SRD5A2: variants seen among roughly 807,000 people sequenced by gnomAD.
SRD5A2 encodes steroid 5 alpha-reductase 2, also known as 3-oxo-5-alpha-steroid 4-dehydrogenase 2.
In SRD5A2, 30 loss-of-function variants were observed where a neutral mutation model predicts 27.4. The observed-to-expected ratio is 1.10, with a 90% confidence interval of 0.82 to 1.49. SRD5A2 has a LOEUF of 1.49. Among genes scored for constraint, SRD5A2 ranks in the 40% most tolerant of loss-of-function variants. The probability of loss-of-function intolerance (pLI) is 0.00; values close to 1 mark genes in which losing one functional copy is unlikely to be tolerated. For synonymous variants in SRD5A2, 141 were observed against 133.6 expected (o/e 1.06, Z -0.38); for missense variants, 348 against 323.4 (o/e 1.08, Z -0.58).
At chr2:31,620,071 G>A in the SRD5A2 span, among the ~76,000 whole-genome samples, 5 of 151,722 alleles carry the variant, frequency 3.3e-5, no homozygotes, top group African/African-American at 1.2e-4. Flanking sequence ...TATAGTTTTG[G>A]GTTTTTCATT....
At chr2:31,597,476 G>C in the SRD5A2 span, among the ~76,000 whole-genome samples, 18 of 151,964 alleles carry the variant, frequency 1.2e-4, no homozygotes, top group Non-Finnish European at 2.2e-4. Context: ...AAACTAAAAA[G>C]CTTCTGCATA....
At chr2:31,624,427 A>C in the SRD5A2 span, among the ~76,000 whole-genome samples, 1 of 151,950 alleles carries the variant, frequency 6.6e-6, no homozygotes. Flanking sequence ...GATTTGTTAC[A>C]TATGTATACA....
chr2:31,543,529 T>C (rs1464382101), intron 1 of SRD5A2, among the ~76,000 whole-genome samples: 1 of 152,196 alleles, frequency 6.6e-6, no homozygotes, highest in Non-Finnish European at 1.5e-5. Flanking sequence ...TAACTCATTA[T>C]TTTTTCCATA....
intron 1 of SRD5A2, among the ~76,000 whole-genome samples, chr2:31,566,467 T>C (rs1449331876): frequency 6.6e-6 from 1 of 152,018 alleles, no homozygotes; most frequent in Admixed American, 6.6e-5. Flanking sequence ...CAAAAAGATC[T>C]GGAAAAAAAG....
chr2:31,560,273 T>C (rs1399061920), intron 1 of SRD5A2, among the ~76,000 whole-genome samples: 1 of 152,146 alleles, frequency 6.6e-6, no homozygotes, highest in African/African-American at 2.4e-5. Flanking sequence ...AGCATTGCCT[T>C]TGATGTAAGC....
chr2:31,635,541 A>C, the SRD5A2 span, among the ~76,000 whole-genome samples: 1 of 151,956 alleles, frequency 6.6e-6, no homozygotes, highest in African/African-American at 2.4e-5. Flanking sequence ...TTTTAGAAGT[A>C]TTTTAGCTTT....
At chr2:31,616,899 C>G in the SRD5A2 span, among the ~76,000 whole-genome samples, 1 of 151,696 alleles carries the variant, frequency 6.6e-6, no homozygotes, top group South Asian at 2.1e-4. Context: ...TTAACTGTAG[C>G]TCCCATAATT....
At chr2:31,530,601 TAATC>T (rs991528376) in intron 3 of SRD5A2, among the ~76,000 whole-genome samples, 1 of 152,242 alleles carries the variant, frequency 6.6e-6, no homozygotes, top group African/African-American at 2.4e-5. Context: ...ATTAATTTCT[TAATC>T]AATGACTATT....
chr2:31,604,093 T>A, the SRD5A2 span, among the ~76,000 whole-genome samples: 1 of 151,742 alleles, frequency 6.6e-6, no homozygotes, highest in African/African-American at 2.4e-5. Context: ...TTCTTCATAA[T>A]AAAATTGCTC....
intron 1 of SRD5A2, among the ~76,000 whole-genome samples, chr2:31,538,450 T>A (rs1666068287): frequency 6.6e-6 from 1 of 152,158 alleles, no homozygotes; most frequent in Non-Finnish European, 1.5e-5. Context: ...TCATTAAACC[T>A]CTCCCGGGTA....
At chr2:31,560,881 A>G (rs1002509500) in intron 1 of SRD5A2, among the ~76,000 whole-genome samples, 2 of 152,206 alleles carry the variant, frequency 1.3e-5, no homozygotes, top group Non-Finnish European at 1.5e-5. Context: ...TACCAAGTTT[A>G]GGAAGAAGAT....
chr2:31,645,165 C>A, the SRD5A2 span, among the ~76,000 whole-genome samples: 1 of 151,962 alleles, frequency 6.6e-6, no homozygotes, highest in African/African-American at 2.4e-5. Flanking sequence ...GAAGACAAGC[C>A]TCTACTTTAA....
the SRD5A2 span, among the ~76,000 whole-genome samples, chr2:31,644,258 G>A: frequency 6.6e-6 from 1 of 152,122 alleles, no homozygotes; most frequent in South Asian, 2.1e-4. Context: ...AAATGTCAAG[G>A]TCAGAAAACA....
chr2:31,523,682 G>C lies in SRD5A2; in HGVS notation c.*2514C>G, dbSNP rs1371029840. 4.5e-6 allele frequency: 1 copy of C among 221,036 alleles called. No homozygotes were observed. The highest frequency in any genetic ancestry group is 9.1e-6 in the Non-Finnish European group (1 of 110,462). 13.7% of individuals were successfully genotyped at this position (221,036 alleles called of 1,614,324 possible). On this transcript the variant is annotated 3_prime_UTR_variant, in exon 5 of 5. Coordinates refer to ENST00000622030, the MANE Select transcript of SRD5A2 (RefSeq NM_000348.4). ...AGAGTATCTTGTGAGCTAGGACACT[G>C]TTAGATTATTTTAGCCAAAAAACAG...
chr2:31,612,817 G>T, the SRD5A2 span, among the ~76,000 whole-genome samples: 1 of 152,058 alleles, frequency 6.6e-6, no homozygotes, highest in Admixed American at 6.6e-5. Context: ...ATTTAAAAAA[G>T]GCATTTTGAC....
At chr2:31,639,019 T>C in the SRD5A2 span, among the ~76,000 whole-genome samples, 1 of 152,202 alleles carries the variant, frequency 6.6e-6, no homozygotes, top group South Asian at 2.1e-4. Context: ...TATCTTCCTT[T>C]GTGGTTAAGT....
chr2:31,558,791 C>A (rs1002294258), intron 1 of SRD5A2, among the ~76,000 whole-genome samples: 1 of 152,100 alleles, frequency 6.6e-6, no homozygotes, highest in African/African-American at 2.4e-5. Context: ...AGCCTAGGAA[C>A]AATAGGATAT....
rs186118799 is a variant in SRD5A2, at chr2:31,561,127, A to G, written c.281+19493T>C. On this transcript the variant is annotated intron_variant, in intron 1 of 4. Transcript: ENST00000622030. ...ATCCCTTTTTCTAAAATGAAGACTC[A>G]GCACCTTTCCAAGAGCTCAATAATA... Among the ~76,000 whole-genome samples the G allele has an allele frequency of 3.6e-3, 555 of 152,240 alleles. 1 individual carries two copies. The highest frequency in any genetic ancestry group is 5.1e-3 in the Non-Finnish European group (346 of 68,000).
At chr2:31,539,080 T>C (rs1473092755) in intron 1 of SRD5A2, among the ~76,000 whole-genome samples, 1 of 152,194 alleles carries the variant, frequency 6.6e-6, no homozygotes. Flanking sequence ...GAAGTGGAGA[T>C]GCTTTTCCAC....
Sources: allele counts gnomAD v4.1 joint callset (sites outside exome capture counted in the v4.1 genomes callset), GRCh38; gene constraint gnomAD v4.1.1; transcripts MANE v1.5; gene names NCBI Gene and HGNC (gene_info 2026-07-23, HGNC 2026-07-21).